The following USP16 variants were observed in gnomAD, a reference collection of about 807,000 sequenced individuals.
The protein encoded by USP16 is ubiquitin specific peptidase 16.
In USP16, 77 loss-of-function variants were observed where a neutral mutation model predicts 95.9. The observed-to-expected ratio is 0.80, with a 90% CI of 0.67 to 0.97. The LOEUF is 0.97. Ranked by LOEUF, USP16 falls within the 50% of genes least tolerant of loss-of-function variation. The pLI, the probability that USP16 is intolerant of heterozygous loss-of-function variation, is 0.00. For missense variants in USP16, 943 were observed against 959.9 expected, an observed-to-expected ratio of 0.98 and a Z score of 0.23; for synonymous variants, 303 against 318.2, an observed-to-expected ratio of 0.95 and a Z score of 0.51.
intron 3 of USP16, 39 bp from the exon 4 acceptor site, chr21:29,034,798 T>A: frequency 6.2e-7 from 1 of 1,601,562 alleles, no homozygotes; most frequent in Non-Finnish European, 8.6e-7. Flanking sequence ...TCTTGCTGAG[T>A]TTTTATGGCT....
At chr21:29,041,907 T>G (rs2085248812) in intron 10 of USP16, 106 bp from the exon 11 acceptor site, 1 of 928,780 alleles carries the variant, frequency 1.1e-6, no homozygotes, top group Admixed American at 2.5e-5. Flanking sequence ...GGACAGGAAA[T>G]TTAAAATAAA....
chr21:29,044,674 T>C (rs1292110752), intron 13 of USP16, among the ~76,000 whole-genome samples: 1 of 152,158 alleles, frequency 6.6e-6, no homozygotes, highest in Non-Finnish European at 1.5e-5. Context: ...CTCTAACTCC[T>C]GACCTCAGAT....
chr21:29,038,759 A>G (rs971436920), intron 7 of USP16, among the ~76,000 whole-genome samples: 5 of 152,168 alleles, frequency 3.3e-5, no homozygotes, highest in Non-Finnish European at 7.4e-5. Flanking sequence ...TACCTTATCC[A>G]TTTTTATTAT....
At chr21:29,033,020 G>A (rs1248523802) in intron 3 of USP16, among the ~76,000 whole-genome samples, 1 of 152,104 alleles carries the variant, frequency 6.6e-6, no homozygotes, top group Non-Finnish European at 1.5e-5. Flanking sequence ...AAAAAAATCT[G>A]TATGTTAGAA....
At position 29,036,348 on chromosome 21, in the gene USP16, A is replaced by G; in HGVS notation, c.422A>G (p.Gln141Arg). The G allele has an allele frequency of 6.2e-7, 1 of 1,613,972 alleles. No individual in the cohort carries two copies. Among genetic ancestry groups the G allele is most frequent in the Non-Finnish European group, 8.5e-7 (1 of 1,179,930 alleles). ...CAAGTGGTTGATTATGTCAGAAAAC[A>G]AGCCAGCATTACAACTCCAAAGCCA... ...LGQVVDYVRK[Q>R]ASITTPKPAE... is the part of the protein sequence containing the mutation. The change falls in exon 5 of 18, where the codon CAA becomes CGA. Residue 141 changes from glutamine (Q) to arginine (R), a missense_variant. Physicochemically the swap from Gln to Arg is conservative, Grantham distance 43. Transcript: ENST00000399976.
At chr21:29,044,566 G>T (rs1349650304) in intron 13 of USP16, among the ~76,000 whole-genome samples, 1 of 151,178 alleles carries the variant, frequency 6.6e-6, no homozygotes, top group East Asian at 2.0e-4. Context: ...TCCTGCCACA[G>T]CCTCCCAAGT....
At chr21:29,042,745 A>G (rs548681515) in intron 12 of USP16, 11 of 451,982 alleles carry the variant, frequency 2.4e-5, no homozygotes, top group Non-Finnish European at 4.2e-5. Flanking sequence ...AGAATTCTGT[A>G]CAAGTAATTA....
At chr21:29,026,835 A>G (rs34338644) in intron 1 of USP16, among the ~76,000 whole-genome samples, 89,575 of 152,026 alleles carry the variant, frequency 0.59, 29,434 homozygotes, top group South Asian at 0.76. Context: ...AAAGCACTAT[A>G]TAGTTATAAC....
intron 14 of USP16, 38 bp downstream of exon 14, chr21:29,047,359 C>T: frequency 6.4e-7 from 1 of 1,565,398 alleles, no homozygotes; most frequent in Non-Finnish European, 8.6e-7. Flanking sequence ...AATTAATATT[C>T]AGGGGCACAT....
At chr21:29,043,934 T>G (rs1395171642) in intron 13 of USP16, among the ~76,000 whole-genome samples, 1 of 148,826 alleles carries the variant, frequency 6.7e-6, no homozygotes, top group Non-Finnish European at 1.5e-5. Flanking sequence ...CCCACCACTG[T>G]TTTTTTTTTC....
At position 29,025,583 on chromosome 21, in the gene USP16, C is replaced by T. The variant is rs141627967; in HGVS notation, c.-42+806C>T. ...TCTGTCCTCTGCCTGCAGTAATTAA[C>T]AATTCGTCTTTCAAGTTTTCCTATG... On this transcript the variant is annotated intron_variant, in intron 1 of 17. Transcript: ENST00000399976. 2.0e-3 allele frequency: 349 copies of T among 177,576 alleles called. 1 individual carries two copies. The highest frequency in any genetic ancestry group is 7.9e-3 in the African/African-American group (332 of 42,034). The allele number at this position is 177,576 out of a possible 1,614,324, so 11.0% of individuals were successfully genotyped here. A position where few individuals can be genotyped will look rare whatever the true frequency, so the allele number is the denominator to read the frequency against.
chr21:29,050,846 C>T (rs1326585365), intron 16 of USP16, among the ~76,000 whole-genome samples: 1 of 152,154 alleles, frequency 6.6e-6, no homozygotes, highest in Non-Finnish European at 1.5e-5. Context: ...GAGTTTAAAG[C>T]ACTGGGGTGG....
rs2084958886 is a variant in USP16, at chr21:29,024,736, A to C, written c.-83A>C. On this transcript the variant is annotated 5_prime_UTR_variant, in exon 1 of 18. Coordinates refer to ENST00000399976, the MANE Select transcript of USP16 (RefSeq NM_006447.3). ...AAGACGGAGCTGGCTGCCCAGCCCA[A>C]AGGCCCATGAGGGGATGCAGTTATG... is the stretch of plus-strand genomic sequence containing the variant. 2 of 1,289,374 alleles carry C rather than the reference A, an allele frequency of 1.6e-6. No individual in the cohort carries two copies. Among genetic ancestry groups the C allele is most frequent in the South Asian group, 2.5e-5 (2 of 81,030 alleles). 79.9% of individuals were successfully genotyped at this position (1,289,374 alleles called of 1,614,324 possible).
chr21:29,047,759 C>G (rs760195246), intron 14 of USP16, among the ~76,000 whole-genome samples: 1 of 151,934 alleles, frequency 6.6e-6, no homozygotes, highest in Non-Finnish European at 1.5e-5. Flanking sequence ...TGACAATTTC[C>G]CTTATCTCCC....
At chr21:29,038,204 T>C (rs1002411116) in intron 6 of USP16, 131 bp from the exon 7 acceptor site, 1 of 604,944 alleles carries the variant, frequency 1.7e-6, no homozygotes, top group Non-Finnish European at 2.9e-6. Context: ...TCTGTAACTT[T>C]TCATTTTCCA....
intron 1 of USP16, 46 bp from the exon 2 acceptor site, chr21:29,027,827 G>T: frequency 7.3e-7 from 1 of 1,364,618 alleles, no homozygotes; most frequent in Non-Finnish European, 1.0e-6. Context: ...AGAAATATAA[G>T]ACATACTTTT....
In USP16 at chr21:29,042,535, C is replaced by T. The variant is rs755559590; in HGVS notation, c.1179+7C>T. The T allele has an allele frequency of 3.9e-5, 62 of 1,591,102 alleles. No individual in the cohort carries two copies. The highest frequency in any genetic ancestry group is 7.4e-5 in the Admixed American group (4 of 54,086). ...CCCAGTTTTAGATGATCAGGTAAGACTATTGAATTTATTTTATTCAAGTAG... is the reference window on the plus strand; with the variant it reads ...CCCAGTTTTAGATGATCAGGTAAGATTATTGAATTTATTTTATTCAAGTAG... On this transcript the variant is annotated splice_region_variant and intron_variant, in intron 12 of 17. Transcript: ENST00000399976.
intron 1 of USP16, chr21:29,025,829 A>G (rs2084978573): frequency 1.6e-6 from 1 of 629,846 alleles, no homozygotes; most frequent in African/African-American, 2.0e-5. Context: ...CCTGCTATGT[A>G]CTAACATTAT....
chr21:29,035,562 C>T (rs187887510), intron 4 of USP16, among the ~76,000 whole-genome samples: 35 of 151,344 alleles, frequency 2.3e-4, no homozygotes, highest in African/African-American at 6.1e-4. Flanking sequence ...TTAGTAGAGA[C>T]GGGGTTTCAC....
Sources: allele counts gnomAD v4.1 joint callset (sites outside exome capture counted in the v4.1 genomes callset), GRCh38; gene constraint gnomAD v4.1.1; transcripts MANE v1.5; gene names NCBI Gene and HGNC (gene_info 2026-07-23, HGNC 2026-07-21).